Variants in SHISA9 observed in about 807,000 individuals in gnomAD.
The protein encoded by SHISA9 is shisa family member 9.
A neutral mutation model predicts 38.0 loss-of-function variants in SHISA9; 13 were observed. The ratio of observed to expected loss-of-function variants is 0.34; its 90% CI spans 0.22 to 0.54. SHISA9 has a LOEUF of 0.54. Ranked by LOEUF, SHISA9 falls within the 20% of genes least tolerant of loss-of-function variation. The probability of loss-of-function intolerance (pLI) is 0.91; values close to 1 mark genes in which losing one functional copy is unlikely to be tolerated. For missense variants in SHISA9, 538 were observed against 575.8 expected (o/e 0.93, Z 0.67); for synonymous variants, 275 against 242.0 (o/e 1.14, Z -1.27).
At chr16:13,434,439 A>ATTTTTTTTTTTTTTTTTTTTT in the SHISA9 span, among the ~76,000 whole-genome samples, 1 of 18,334 alleles carries the variant, frequency 5.5e-5, no homozygotes, top group Non-Finnish European at 1.3e-4. Context: ...TTTTTTTGAG[A>ATTTTTTTTTTTTTTTTTTTTT]TCGAGTTTCA....
chr16:12,998,972 C>A (rs2072491831), intron 2 of SHISA9, among the ~76,000 whole-genome samples: 1 of 152,146 alleles, frequency 6.6e-6, no homozygotes, highest in South Asian at 2.1e-4. Context: ...AGCCCTTAGT[C>A]ACTACATTTT....
chr16:13,151,528 G>A (rs2050499509), intron 2 of SHISA9, among the ~76,000 whole-genome samples: 1 of 152,078 alleles, frequency 6.6e-6, no homozygotes, highest in Non-Finnish European at 1.5e-5. Flanking sequence ...CTTCACCTGT[G>A]TCTGGATATA....
At chr16:13,329,171 G>C in the SHISA9 span, among the ~76,000 whole-genome samples, 1 of 152,120 alleles carries the variant, frequency 6.6e-6, no homozygotes, top group Non-Finnish European at 1.5e-5. Context: ...TTCCCTGCTC[G>C]CTAAGTAAAT....
At position 12,901,733 on chromosome 16, in the gene SHISA9, T is replaced by A. The variant is rs2071016134; in HGVS notation, c.-332T>A. 1 of 149,334 alleles carries A rather than the reference T, an allele frequency of 6.7e-6. No homozygotes were observed. The highest frequency in any genetic ancestry group is 1.5e-5 in the Non-Finnish European group (1 of 67,170). 9.3% of individuals were successfully genotyped at this position (149,334 alleles called of 1,614,324 possible). A position where few individuals can be genotyped will look rare whatever the true frequency, so the allele number is the denominator to read the frequency against. ...AGGCGCTGCCAGCCCGATTCTCCTCTGCTCTCCACCCCCGCCTCACCCAGT... is the reference window on the plus strand; with the variant it reads ...AGGCGCTGCCAGCCCGATTCTCCTCAGCTCTCCACCCCCGCCTCACCCAGT... On this transcript the variant is annotated 5_prime_UTR_variant, in exon 1 of 5. Coordinates refer to ENST00000558583, the MANE Select transcript of SHISA9 (RefSeq NM_001145204.3).
At chr16:12,907,002 T>C (rs2071105421) in intron 1 of SHISA9, among the ~76,000 whole-genome samples, 1 of 152,102 alleles carries the variant, frequency 6.6e-6, no homozygotes, top group South Asian at 2.1e-4. Flanking sequence ...ACACACTCTT[T>C]CCATATTTTT....
the SHISA9 span, among the ~76,000 whole-genome samples, chr16:13,431,641 A>C: frequency 6.6e-6 from 1 of 152,200 alleles, no homozygotes; most frequent in Non-Finnish European, 1.5e-5. Flanking sequence ...TGATGGATTA[A>C]TCTGAGAATC....
At chr16:13,400,110 C>A in the SHISA9 span, among the ~76,000 whole-genome samples, 1 of 152,236 alleles carries the variant, frequency 6.6e-6, no homozygotes, top group East Asian at 1.9e-4. Context: ...TTGGCCCTCA[C>A]GTGAAGCAGG....
chr16:12,905,839 G>C (rs1596520456), intron 1 of SHISA9, among the ~76,000 whole-genome samples: 1 of 152,064 alleles, frequency 6.6e-6, no homozygotes, highest in African/African-American at 2.4e-5. Context: ...GACCTCATGC[G>C]ATCCTTTCAC....
the SHISA9 span, among the ~76,000 whole-genome samples, chr16:13,545,892 A>G: frequency 6.6e-6 from 1 of 152,218 alleles, no homozygotes; most frequent in Non-Finnish European, 1.5e-5. Flanking sequence ...AACATGTGAC[A>G]TAAGCTGGGC....
chr16:13,170,925 G>A (rs1313601254), intron 2 of SHISA9, among the ~76,000 whole-genome samples: 1 of 152,118 alleles, frequency 6.6e-6, no homozygotes, highest in Non-Finnish European at 1.5e-5. Context: ...CCAAAGTGCT[G>A]GGATTACAGG....
intron 2 of SHISA9, among the ~76,000 whole-genome samples, chr16:13,068,042 A>AG (rs1250223782): frequency 6.6e-6 from 1 of 152,184 alleles, no homozygotes; most frequent in Admixed American, 6.5e-5. Flanking sequence ...TAATTGTGGG[A>AG]GGGCCAAAGA....
the SHISA9 span, among the ~76,000 whole-genome samples, chr16:13,325,858 A>G: frequency 6.6e-6 from 1 of 151,298 alleles, no homozygotes; most frequent in Non-Finnish European, 1.5e-5. Flanking sequence ...GTGAGAACAC[A>G]TGGACACAGG....
the SHISA9 span, among the ~76,000 whole-genome samples, chr16:13,374,794 T>G: frequency 6.6e-6 from 1 of 152,196 alleles, no homozygotes; most frequent in South Asian, 2.1e-4. Context: ...AGTGTAGAAG[T>G]GTTCCTATTT....
chr16:13,429,608 G>C, the SHISA9 span, among the ~76,000 whole-genome samples: 1 of 152,122 alleles, frequency 6.6e-6, no homozygotes, highest in African/African-American at 2.4e-5. Flanking sequence ...ATCTGCAAAG[G>C]CTTTATTCCA....
intron 2 of SHISA9, among the ~76,000 whole-genome samples, chr16:13,169,170 T>C (rs190192356): frequency 5.3e-5 from 8 of 152,298 alleles, no homozygotes; most frequent in Admixed American, 2.0e-4. Flanking sequence ...TGTCATGGGA[T>C]CTTCACCCCT....
chr16:13,381,399 C>G, the SHISA9 span, among the ~76,000 whole-genome samples: 1 of 152,124 alleles, frequency 6.6e-6, no homozygotes, highest in Non-Finnish European at 1.5e-5. Context: ...CCATAGGAAA[C>G]TAAACAGATT....
At chr16:13,033,480 A>C (rs1596599744) in intron 2 of SHISA9, among the ~76,000 whole-genome samples, 1 of 152,174 alleles carries the variant, frequency 6.6e-6, no homozygotes, top group Non-Finnish European at 1.5e-5. Flanking sequence ...TCTAATCCAC[A>C]TGATCTTCAT....
chr16:13,180,416 C>G (rs1379955603), intron 2 of SHISA9, among the ~76,000 whole-genome samples: 1 of 152,130 alleles, frequency 6.6e-6, no homozygotes. Context: ...ATAAACTGAT[C>G]AGCCAGGCAC....
At position 13,235,250 on chromosome 16, in the gene SHISA9, C is replaced by T. The variant is rs776974357; in HGVS notation, c.1116C>T (p.Asp372=). The T allele has an allele frequency of 6.4e-6, 10 of 1,551,740 alleles. No individual in the cohort carries two copies. Among genetic ancestry groups the T allele is most frequent in the Non-Finnish European group, 7.0e-6 (8 of 1,147,018 alleles). Residue 372 remains aspartate, a synonymous_variant, in exon 5 of 5, where the codon GAC becomes GAT. Coordinates refer to ENST00000558583, the MANE Select transcript of SHISA9 (RefSeq NM_001145204.3). ...CTACCACCAACTTTAAGGGCTGGGA[C>T]CCCAACGAGCAGTCCCTCCGGCGGC... ...YTSTTNFKGW[D]PNEQSLRRQA...
Sources: allele counts gnomAD v4.1 joint callset (sites outside exome capture counted in the v4.1 genomes callset), GRCh38; gene constraint gnomAD v4.1.1; transcripts MANE v1.5; gene names NCBI Gene and HGNC (gene_info 2026-07-23, HGNC 2026-07-21).